The following TMEM163 variants were observed in gnomAD, a reference collection of about 807,000 sequenced individuals.
TMEM163 encodes transmembrane protein 163.
Under a neutral mutation model 29.3 loss-of-function variants are expected in TMEM163, and 17 were observed. That is an observed-to-expected ratio of 0.58 (90% CI 0.40 to 0.87). TMEM163 has a LOEUF of 0.87. Ranked by LOEUF, TMEM163 falls within the 40% of genes least tolerant of loss-of-function variation. TMEM163 has a pLI of 0.00. For synonymous variants in TMEM163, 157 were observed against 160.6 expected, an observed-to-expected ratio of 0.98 and a Z score of 0.17; for missense variants, 303 against 381.5, an observed-to-expected ratio of 0.79 and a Z score of 1.71.
chr2:134,498,308 T>C (rs1400849691), intron 5 of TMEM163, among the ~76,000 whole-genome samples: 1 of 150,892 alleles, frequency 6.6e-6, no homozygotes, highest in Non-Finnish European at 1.5e-5. Flanking sequence ...CATCCCACAC[T>C]GTCCTGCTGC....
chr2:134,599,605 T>C (rs955766595), intron 2 of TMEM163, among the ~76,000 whole-genome samples: 2 of 152,032 alleles, frequency 1.3e-5, no homozygotes, highest in Admixed American at 6.6e-5. Context: ...ACCCAGTCTA[T>C]GGTAATGTGT....
At chr2:134,635,739 C>T (rs556443854) in intron 2 of TMEM163, among the ~76,000 whole-genome samples, 4 of 152,228 alleles carry the variant, frequency 2.6e-5, no homozygotes, top group Non-Finnish European at 5.9e-5. Flanking sequence ...AGGGTGAGTA[C>T]TTGTAGCCAG....
At chr2:134,599,386 T>C (rs1682172254) in intron 2 of TMEM163, among the ~76,000 whole-genome samples, 1 of 152,118 alleles carries the variant, frequency 6.6e-6, no homozygotes, top group South Asian at 2.1e-4. Flanking sequence ...AGGACTTTGG[T>C]AGGTGATTAG....
At chr2:134,566,047 A>G (rs1021769906) in intron 2 of TMEM163, among the ~76,000 whole-genome samples, 3 of 152,224 alleles carry the variant, frequency 2.0e-5, no homozygotes, top group African/African-American at 7.2e-5. Context: ...TCATTAAGCT[A>G]TGGGATTTTC....
intron 2 of TMEM163, among the ~76,000 whole-genome samples, chr2:134,710,357 T>C (rs1053128293): frequency 6.6e-6 from 1 of 151,940 alleles, no homozygotes; most frequent in Non-Finnish European, 1.5e-5. Flanking sequence ...ATTTCCAAAC[T>C]CAAAAGAGCC....
chr2:134,595,300 T>C (rs1183438934), intron 2 of TMEM163, among the ~76,000 whole-genome samples: 1 of 152,040 alleles, frequency 6.6e-6, no homozygotes, highest in Non-Finnish European at 1.5e-5. Context: ...GTGTGTGATG[T>C]TCCCCTTCCT....
chr2:134,673,323 G>A (rs1008860918), intron 2 of TMEM163, among the ~76,000 whole-genome samples: 1 of 152,088 alleles, frequency 6.6e-6, no homozygotes, highest in Admixed American at 6.6e-5. Flanking sequence ...CCGAGGCTCA[G>A]CCACTATGAA....
chr2:134,683,514 G>A (rs1241693180), intron 2 of TMEM163, among the ~76,000 whole-genome samples: 1 of 151,394 alleles, frequency 6.6e-6, no homozygotes, highest in Non-Finnish European at 1.5e-5. Context: ...TCTGATCATA[G>A]AGCAAACAAC....
chr2:134,502,781 C>A, intron 5 of TMEM163, 120 bp downstream of exon 5: 1 of 767,154 alleles, frequency 1.3e-6, no homozygotes, highest in Non-Finnish European at 2.1e-6. Context: ...CTTCTGACCC[C>A]CAGAATGTTG....
At chr2:134,540,613 T>C (rs780283687) in intron 4 of TMEM163, among the ~76,000 whole-genome samples, 20 of 152,194 alleles carry the variant, frequency 1.3e-4, no homozygotes, top group Non-Finnish European at 1.2e-4. Context: ...GAGATAGCAT[T>C]GCATAGTGGT....
At chr2:134,513,521 C>G (rs1199719850) in intron 4 of TMEM163, among the ~76,000 whole-genome samples, 1 of 152,188 alleles carries the variant, frequency 6.6e-6, no homozygotes, top group Non-Finnish European at 1.5e-5. Context: ...CCCTGTGGAG[C>G]TTCACGTGCT....
At chr2:134,529,950 C>T (rs975128630) in intron 4 of TMEM163, among the ~76,000 whole-genome samples, 13 of 151,832 alleles carry the variant, frequency 8.6e-5, no homozygotes, top group Non-Finnish European at 1.0e-4. Context: ...GGAATGCAGT[C>T]GGGAGGATTC....
At chr2:134,589,153 A>G (rs965394412) in intron 2 of TMEM163, among the ~76,000 whole-genome samples, 1 of 152,224 alleles carries the variant, frequency 6.6e-6, no homozygotes, top group Non-Finnish European at 1.5e-5. Flanking sequence ...GCTCTGAGGT[A>G]CAGGTAGAAT....
chr2:134,534,810 G>T (rs1228409225), intron 4 of TMEM163, among the ~76,000 whole-genome samples: 1 of 151,784 alleles, frequency 6.6e-6, no homozygotes, highest in East Asian at 1.9e-4. Context: ...CTTAGAAAAG[G>T]CCGTAAAGAG....
At chr2:134,708,735 C>T (rs560141041) in intron 2 of TMEM163, among the ~76,000 whole-genome samples, 27 of 152,172 alleles carry the variant, frequency 1.8e-4, no homozygotes, top group African/African-American at 5.1e-4. Flanking sequence ...TACAGGCACG[C>T]GCCAACACAC....
chr2:134,462,912 G>C lies in TMEM163; in HGVS notation c.667+3202C>G, dbSNP rs1359719048. On this transcript the variant is annotated intron_variant, in intron 6 of 7. Coordinates refer to ENST00000281924, the MANE Select transcript of TMEM163 (RefSeq NM_030923.5). ...TGCTGGATCCACAGCCAGGTGTCCA[G>C]CGAATGAGGTTTCCTGTACCCCAAC... 3.9e-5 allele frequency among the ~76,000 whole-genome samples: 6 copies of C among 152,332 alleles called. 1 individual carries two copies. The highest frequency in any genetic ancestry group is 1.4e-4 in the African/African-American group (6 of 41,574).
intron 2 of TMEM163, among the ~76,000 whole-genome samples, chr2:134,668,769 T>TCA (rs1214563504): frequency 1.3e-5 from 2 of 151,524 alleles, no homozygotes; most frequent in Non-Finnish European, 1.5e-5. Context: ...AAGAACCGAG[T>TCA]CACACACACA....
chr2:134,606,470 C>G (rs1036896487), intron 2 of TMEM163, among the ~76,000 whole-genome samples: 1 of 152,200 alleles, frequency 6.6e-6, no homozygotes, highest in African/African-American at 2.4e-5. Flanking sequence ...GACTCAAAAT[C>G]CCCTCCTCTT....
At chr2:134,470,955 T>C (rs1558914163) in intron 5 of TMEM163, among the ~76,000 whole-genome samples, 1 of 152,134 alleles carries the variant, frequency 6.6e-6, no homozygotes, top group Non-Finnish European at 1.5e-5. Flanking sequence ...GAAGAACACT[T>C]GAAGCCAAGA....
Sources: gnomAD v4.1 joint callset for allele counts (sites outside exome capture counted in the v4.1 genomes callset) on GRCh38, gnomAD v4.1.1 for gene constraint, MANE v1.5 for transcripts, NCBI Gene and HGNC (gene_info 2026-07-23, HGNC 2026-07-21) for gene names.